Variants in VWA7 observed in about 807,000 individuals in gnomAD.
The protein encoded by VWA7 is von Willebrand factor A domain-containing protein 7.
VWA7 carries 66 observed loss-of-function variants against 83.1 expected under a neutral mutation model. The observed-to-expected ratio is 0.79, with a 90% confidence interval of 0.65 to 0.98. The LOEUF is 0.98. Ranked by LOEUF, VWA7 falls within the 50% of genes least tolerant of loss-of-function variation. The pLI is 0.00. For missense variants in VWA7, 1,080 were observed against 1,160.2 expected, an observed-to-expected ratio of 0.93 and a Z score of 1.00; for synonymous variants, 424 against 488.5, an observed-to-expected ratio of 0.87 and a Z score of 1.74.
In VWA7 at chr6:31,774,403, C is replaced by T. The variant is rs910474873; in HGVS notation, c.721+113G>A. 7 of 1,023,052 alleles carry T rather than the reference C, an allele frequency of 6.8e-6. No individual in the cohort carries two copies. The South Asian group carries it at 1.1e-4, about 16-fold the overall frequency. 63.4% of individuals were successfully genotyped at this position (1,023,052 alleles called of 1,614,324 possible). ...CCTCCACCCACCCTGTTCCCAGCAT[C>T]CTCTCCTCCTAGGAGGAGATGCCAT... On this transcript the variant is annotated intron_variant, in intron 5 of 16. Coordinates refer to ENST00000375688, the MANE Select transcript of VWA7 (RefSeq NM_025258.3).
At chr6:31,774,756 C>G (rs572713777) in intron 4 of VWA7, 130 bp from the exon 5 acceptor site, 73 of 689,004 alleles carry the variant, frequency 1.1e-4, no homozygotes, top group Non-Finnish European at 1.6e-4. Context: ...CCTAGCAAAG[C>G]TTTCTGAACT....
chr6:31,777,102 C>G lies in VWA7; in HGVS notation c.-16+7G>C. ...GGAAGCCTGAGTCCTCTCAGGCCCT[C>G]CCCTACCTGGTTGCTGGGTCTCCTG... On this transcript the variant is annotated splice_region_variant and intron_variant, in intron 1 of 16. Coordinates refer to ENST00000375688, the MANE Select transcript of VWA7 (RefSeq NM_025258.3). The surrounding 1 kb of genome is among the most constrained non-coding windows in gnomAD (Gnocchi z 5.8). The G allele has an allele frequency of 2.6e-6, 1 of 387,550 alleles. No homozygotes were observed. The highest frequency in any genetic ancestry group is 4.0e-5 in the East Asian group (1 of 24,968). 24.0% of individuals were successfully genotyped at this position (387,550 alleles called of 1,614,324 possible). A position where few individuals can be genotyped will look rare whatever the true frequency, so the allele number is the denominator to read the frequency against.
At position 31,765,604 on chromosome 6, in the gene VWA7, G is replaced by A; in HGVS notation, c.2666C>T (p.Ala889Val). Residue 889 changes from alanine to valine, a missense_variant, in exon 17 of 17, where the codon GCC (alanine) becomes GTC (valine). Coordinates refer to ENST00000375688, the MANE Select transcript of VWA7 (RefSeq NM_025258.3). ...VGGVLLLLGL[A>V]SW ...TTAGAGCCCGTTGTGTCACCAGGAG[G>A]CCAGGCCTAGCAGAAGCAGCACCCC... 1 of 1,610,740 alleles carries A rather than the reference G, an allele frequency of 6.2e-7. No homozygotes were observed. The highest frequency in any genetic ancestry group is 1.3e-5 in the African/African-American group (1 of 74,974).
chr6:31,776,763 A>T lies in VWA7; in HGVS notation c.17T>A (p.Val6Asp). ...TGAGGGGCCCGGGTGGGATTGGGGG[A>T]CCTCCGTGGGGAGCATGGCTGAGAC... MLPTE[V>D]PQSHPGPSAL... The change falls in exon 2 of 17, where the codon GTC becomes GAC. Residue 6 changes from valine to aspartate, a missense_variant. Val to Asp is a radical substitution (Grantham distance 152, BLOSUM62 -3). Transcript: ENST00000375688. This position sits in a 1 kb window ranked among gnomAD's most constrained non-coding sequence, Gnocchi z 6.2. 7.0e-7 allele frequency: 1 copy of T among 1,431,776 alleles called. No homozygotes were observed. The highest frequency in any genetic ancestry group is 2.7e-5 in the Admixed American group (1 of 36,716). The allele number at this position is 1,431,776 out of a possible 1,614,324, so 88.7% of individuals were successfully genotyped here.
intron 16 of VWA7, 40 bp downstream of exon 16, chr6:31,765,843 G>A (rs1811483131): frequency 6.8e-6 from 11 of 1,608,898 alleles, no homozygotes; most frequent in Non-Finnish European, 8.5e-6. Flanking sequence ...CACCCTCCCC[G>A]GCCTTGCCCA....
intron 13 of VWA7, 83 bp downstream of exon 13, chr6:31,767,075 A>T (rs1402340738): frequency 2.9e-6 from 1 of 340,568 alleles, no homozygotes; most frequent in African/African-American, 2.2e-5. Context: ...TATATATATA[A>T]TATATATATT....
chr6:31,769,326 T>G lies in VWA7; in HGVS notation c.1318-123A>C, dbSNP rs1193743792. On this transcript the variant is annotated intron_variant, in intron 9 of 16. Coordinates refer to ENST00000375688, the MANE Select transcript of VWA7 (RefSeq NM_025258.3). The surrounding 1 kb of genome is among the most constrained non-coding windows in gnomAD (Gnocchi z 4.5). ...TTTGTGATAAGGTCTCTGCCTGCCT[T>G]CTGGCTGCTGGGGTGGGGAATCCCA... is the stretch of plus-strand genomic sequence containing the variant. 6.5e-6 allele frequency: 8 copies of G among 1,235,100 alleles called. No individual in the cohort carries two copies. The highest frequency in any genetic ancestry group is 8.9e-6 in the Non-Finnish European group (8 of 902,342). The allele number at this position is 1,235,100 out of a possible 1,614,324, so 76.5% of individuals were successfully genotyped here.
chr6:31,766,381 T>A lies in VWA7; in HGVS notation c.2188A>T (p.Ser730Cys), dbSNP rs553416858. The change falls in exon 15 of 17, where the codon AGT (serine) becomes TGT (cysteine). Residue 730 changes from serine (S) to cysteine (C), a missense_variant. Physicochemically the swap from Ser to Cys is moderately radical, Grantham distance 112 (BLOSUM62 -1). Transcript: ENST00000375688. The surrounding 1 kb of genome is among the most constrained non-coding windows in gnomAD (Gnocchi z 4.9). ...STVVPVLLEL[S>C]GPSGFLAPGS... ...GGGGCCAAGAAACCCGAGGGGCCAC[T>A]AAGCTGCAGAGAAGGGTTCTTCAGG... 1 of 1,597,226 alleles carries A rather than the reference T, an allele frequency of 6.3e-7. No individual in the cohort carries two copies. Among genetic ancestry groups the A allele is most frequent in the Admixed American group, 1.8e-5 (1 of 56,042 alleles).
Position 31,776,796 on chromosome 6 carries a change from T to C in VWA7, c.-15-2A>G. The C allele has an allele frequency of 2.2e-6, 3 of 1,358,424 alleles. No homozygotes were observed. The highest frequency in any genetic ancestry group is 2.9e-6 in the Non-Finnish European group (3 of 1,039,876). The allele number at this position is 1,358,424 out of a possible 1,614,324, so 84.1% of individuals were successfully genotyped here. ...GGGGAGCATGGCTGAGACATGGACC[T>C]GGGAGACAGAAGGCTCTCAAGGGAG... On this transcript the variant is annotated splice_acceptor_variant, in intron 1 of 16. Coordinates refer to ENST00000375688, the MANE Select transcript of VWA7 (RefSeq NM_025258.3). LOFTEE classifies it low-confidence loss of function (5UTR_SPLICE). The surrounding 1 kb of genome is among the most constrained non-coding windows in gnomAD (Gnocchi z 6.2).
In VWA7 at chr6:31,776,748, G is replaced by A. The variant is rs764032561; in HGVS notation, c.32C>T (p.Pro11Leu). The change falls in exon 2 of 17, where the codon CCG becomes CTG. Residue 11 changes from proline (P) to leucine (L), a missense_variant. Physicochemically the swap from Pro to Leu is moderately conservative, Grantham distance 98. Transcript: ENST00000375688. The surrounding 1 kb of genome is among the most constrained non-coding windows in gnomAD (Gnocchi z 6.2). ...CAGCAGAAGCAACGCTGAGGGGCCC[G>A]GGTGGGATTGGGGGACCTCCGTGGG... MLPTEVPQSH[P>L]GPSALLLLQL... 7.5e-5 allele frequency: 109 copies of A among 1,459,192 alleles called. No individual in the cohort carries two copies. Among genetic ancestry groups the A allele is most frequent in the East Asian group, 2.6e-4 (10 of 38,974 alleles). 90.4% of individuals were successfully genotyped at this position (1,459,192 alleles called of 1,614,324 possible). A position where few individuals can be genotyped will look rare whatever the true frequency, so the allele number is the denominator to read the frequency against.
rs9279415 is a variant in VWA7 at position 31,772,584 on chromosome 6, C to CTTTTTTTTTTTTTTTTTTTTTTTTTTTT, written c.1087+342_1087+369dup. ...CTTTTCTTTTTTTTTTCTTTCTTTT[C>CTTTTTTTTTTTTTTTTTTTTTTTTTTTT]TTTTTTTTTTTTTTTTTTTTTTTTT... On this transcript the variant is annotated intron_variant, in intron 7 of 16. Transcript: ENST00000375688. 6.6e-4 allele frequency among the ~76,000 whole-genome samples: 23 copies of CTTTTTTTTTTTTTTTTTTTTTTTTTTTT among 35,082 alleles called. 3 individuals are homozygous for CTTTTTTTTTTTTTTTTTTTTTTTTTTTT. The highest frequency in any genetic ancestry group is 1.5e-3 in the African/African-American group (11 of 7,382). 23.0% of individuals were successfully genotyped at this position (35,082 alleles called of 152,430 possible). A position where few individuals can be genotyped will look rare whatever the true frequency, so the allele number is the denominator to read the frequency against.
rs1461802310 is a variant in VWA7 at position 31,767,716 on chromosome 6, C to T, written c.1542G>A (p.Gly514=). ...CATCCACGCTGAACACAAGTGGCTG[C>T]CCAGGCACCACAACAGGAGGGTCCA... The part of the protein sequence containing the change: ...LPLDPPVVVP[G]QPLVFSVDGL... The change falls in exon 11 of 17, where the codon GGG becomes GGA. Residue 514 remains glycine (G), a synonymous_variant. Transcript: ENST00000375688. 6.2e-7 allele frequency: 1 copy of T among 1,612,802 alleles called. No homozygotes were observed. The highest frequency in any genetic ancestry group is 1.7e-5 in the Admixed American group (1 of 59,996).
Position 31,769,390 on chromosome 6 carries a change from C to A in VWA7, c.1318-187G>T, listed in dbSNP as rs911880135. 6.6e-6 allele frequency among the ~76,000 whole-genome samples: 1 copy of A among 152,200 alleles called. No individual in the cohort carries two copies. The highest frequency in any genetic ancestry group is 2.4e-5 in the African/African-American group (1 of 41,448). On this transcript the variant is annotated intron_variant, in intron 9 of 16. Transcript: ENST00000375688. This position sits in a 1 kb window ranked among gnomAD's most constrained non-coding sequence, Gnocchi z 4.5. Reference sequence around the variant, plus strand: ...CTGCCTTCAGTTAGTAGTTGGCCACCCCCTTGTAACTGTCACAGTGGATTT... The same window carrying A: ...CTGCCTTCAGTTAGTAGTTGGCCACACCCTTGTAACTGTCACAGTGGATTT...
rs1208168661 is a variant in VWA7 at position 31,776,927 on chromosome 6, C to T, written c.-15-133G>A. 8 of 496,326 alleles carry T rather than the reference C, an allele frequency of 1.6e-5. No homozygotes were observed. Among genetic ancestry groups the T allele is most frequent in the South Asian group, 1.2e-4 (3 of 25,378 alleles). 30.7% of individuals were successfully genotyped at this position (496,326 alleles called of 1,614,324 possible). ...CTCCAGCCTGGCTTCCCCACCCTCT[C>T]GCTGTCACCCAGACAACCTGAGGGC... On this transcript the variant is annotated intron_variant, in intron 1 of 16. Coordinates refer to ENST00000375688, the MANE Select transcript of VWA7 (RefSeq NM_025258.3). The surrounding 1 kb of genome is among the most constrained non-coding windows in gnomAD (Gnocchi z 6.2).
Position 31,766,362 on chromosome 6 carries a change from A to G in VWA7, c.2207T>C (p.Leu736Ser), listed in dbSNP as rs747959516. 1.9e-6 allele frequency: 3 copies of G among 1,603,284 alleles called. No homozygotes were observed. The South Asian group carries it at 3.3e-5, about 18-fold the overall frequency. The change falls in exon 15 of 17, where the codon TTG (leucine) becomes TCG (serine). Residue 736 changes from leucine (L) to serine (S), a missense_variant. Physicochemically the swap from Leu to Ser is moderately radical, Grantham distance 145. Coordinates refer to ENST00000375688, the MANE Select transcript of VWA7 (RefSeq NM_025258.3). This position sits in a 1 kb window ranked among gnomAD's most constrained non-coding sequence, Gnocchi z 4.9. ...LLELSGPSGF[L>S]APGSKVPLSL... ...GAGCGGGACTTTGCTGCCCGGGGCC[A>G]AGAAACCCGAGGGGCCACTAAGCTG...
rs1178677308 is a variant in VWA7, at chr6:31,775,951, A to G, written c.513+13T>C. On this transcript the variant is annotated intron_variant, in intron 3 of 16. Transcript: ENST00000375688. The surrounding 1 kb of genome is among the most constrained non-coding windows in gnomAD (Gnocchi z 5.9). The stretch of plus-strand genomic sequence containing the variant: ...GAAGACCCCTCTGACCATCAACCCA[A>G]CCCTGTTCTCACCTGCAGGGCATGA... The G allele has an allele frequency of 6.2e-7, 1 of 1,602,480 alleles. No individual in the cohort carries two copies. Among genetic ancestry groups the G allele is most frequent in the African/African-American group, 1.3e-5 (1 of 74,622 alleles).
rs117633472 is a variant in VWA7 at position 31,776,264 on chromosome 6, G to A, written c.235-22C>T. Reference sequence around the variant, plus strand: ...GACCCTGGGGAGAATAGCGGGCGACGGGGCTCCAGGGAGGCCCTTTGGATT... The same window carrying A: ...GACCCTGGGGAGAATAGCGGGCGACAGGGCTCCAGGGAGGCCCTTTGGATT... On this transcript the variant is annotated intron_variant, in intron 2 of 16. Coordinates refer to ENST00000375688, the MANE Select transcript of VWA7 (RefSeq NM_025258.3). The surrounding 1 kb of genome is among the most constrained non-coding windows in gnomAD (Gnocchi z 6.2). 9,039 of 1,600,988 alleles carry A rather than the reference G, an allele frequency of 5.6e-3. 123 individuals carry two copies. Among genetic ancestry groups the A allele is most frequent in the East Asian group, 0.041 (1,821 of 44,690 alleles).
rs146608823 is a variant in VWA7, at chr6:31,773,400, G to A, written c.759C>T (p.Ser253=). The change falls in exon 6 of 17, where the codon AGC becomes AGT. Residue 253 remains serine (S), a synonymous_variant. Coordinates refer to ENST00000375688, the MANE Select transcript of VWA7 (RefSeq NM_025258.3). The surrounding 1 kb of genome is among the most constrained non-coding windows in gnomAD (Gnocchi z 5.3). ...CSHGGHFDRS[S]SQPPRGGINK... ...TGATGCCTCCCCTCGGTGGCTGGGA[G>A]CTGCTCCGGTCAAAATGGCCCCCGT... 38 of 1,604,182 alleles carry A rather than the reference G, an allele frequency of 2.4e-5. No homozygotes were observed. Among genetic ancestry groups the A allele is most frequent in the Non-Finnish European group, 3.1e-5 (37 of 1,175,710 alleles).
chr6:31,767,080 T>C (rs1243888565), intron 13 of VWA7, 78 bp downstream of exon 13: 1 of 337,932 alleles, frequency 3.0e-6, no homozygotes, highest in Non-Finnish European at 5.4e-6. Context: ...ATATAATATA[T>C]ATATTATATA....
Sources: gnomAD v4.1 joint callset for allele counts (sites outside exome capture counted in the v4.1 genomes callset) on GRCh38, gnomAD v4.1.1 for gene constraint, Gnocchi (gnomAD v3.1) non-coding constraint, MANE v1.5 for transcripts, NCBI Gene and HGNC (gene_info 2026-07-23, HGNC 2026-07-21) for gene names.